RTF2: variants seen among roughly 807,000 people sequenced by gnomAD.
RTF2 encodes UPF0549 protein C20orf43.
Under a neutral mutation model 38.0 loss-of-function variants are expected in RTF2, and 18 were observed. The ratio of observed to expected loss-of-function variants is 0.47; its 90% confidence interval spans 0.33 to 0.70. RTF2 has a LOEUF of 0.70. Among genes scored for constraint, RTF2 ranks in the 30% least tolerant of loss-of-function variants. The pLI is 0.02. For synonymous variants in RTF2, 126 were observed against 137.1 expected (o/e 0.92, Z 0.57); for missense variants, 311 against 379.6 (o/e 0.82, Z 1.50).
At chr20:56,480,789 T>C (rs1297140842) in intron 4 of RTF2, among the ~76,000 whole-genome samples, 2 of 152,210 alleles carry the variant, frequency 1.3e-5, no homozygotes, top group Non-Finnish European at 2.9e-5. Context: ...GGCCAGTTCA[T>C]GGAGCAGTCA....
chr20:56,477,208 G>A, intron 4 of RTF2, 84 bp downstream of exon 4: 1 of 1,519,658 alleles, frequency 6.6e-7, no homozygotes, highest in Non-Finnish European at 9.0e-7. Flanking sequence ...GAGCTTAGCA[G>A]TCATGTGGCT....
At chr20:56,499,382 C>G (rs1183402867) in intron 5 of RTF2, among the ~76,000 whole-genome samples, 28 of 151,908 alleles carry the variant, frequency 1.8e-4, no homozygotes, top group Admixed American at 1.8e-3. Context: ...AGGGTTTCAC[C>G]ATAATGGCCA....
At position 56,496,855 on chromosome 20, in the gene RTF2, C is replaced by T. The variant is rs769688034; in HGVS notation, c.477+12666C>T. 1.4e-5 allele frequency: 21 copies of T among 1,551,540 alleles called. No homozygotes were observed. In the African/African-American group the frequency reaches 1.4e-4, roughly 10 times the overall value. On this transcript the variant is annotated intron_variant, in intron 5 of 8. Coordinates refer to ENST00000357348, the MANE Select transcript of RTF2 (RefSeq NM_016407.5). ...GGTGCATAGATACTTCCTTTAGGAA[C>T]GAATTCGAGATGACTTTGACTTGTC...
At chr20:56,497,799 T>C (rs1983653347) in intron 5 of RTF2, 3 of 331,488 alleles carry the variant, frequency 9.1e-6, no homozygotes, top group Non-Finnish European at 1.7e-5. Flanking sequence ...TCCCTCACTC[T>C]TCAAAGTGTT....
intron 4 of RTF2, 75 bp downstream of exon 4, chr20:56,477,199 A>G: frequency 6.4e-7 from 1 of 1,553,372 alleles, no homozygotes; most frequent in Non-Finnish European, 8.8e-7. Flanking sequence ...GTGGTGCCGG[A>G]GCTTAGCAGT....
chr20:56,474,886 TG>T (rs1468408500), intron 3 of RTF2, 115 bp downstream of exon 3: 7 of 622,182 alleles, frequency 1.1e-5, no homozygotes, highest in African/African-American at 1.1e-4. Context: ...CATTCCCACA[TG>T]GCCATCTAAT....
chr20:56,474,579 A>G, intron 2 of RTF2, 99 bp from the exon 3 acceptor site: 5 of 682,916 alleles, frequency 7.3e-6, no homozygotes, highest in Non-Finnish European at 7.3e-6. Flanking sequence ...TTCTCTTATC[A>G]AATGTAAACG....
intron 5 of RTF2, among the ~76,000 whole-genome samples, chr20:56,486,861 C>G (rs546012842): frequency 2.0e-5 from 3 of 152,118 alleles, no homozygotes; most frequent in South Asian, 2.1e-4. Flanking sequence ...CAGAAGCAGC[C>G]GGGCAGCCAT....
intron 4 of RTF2, among the ~76,000 whole-genome samples, chr20:56,479,890 CAGAT>C (rs1982442328): frequency 6.8e-6 from 1 of 147,570 alleles, no homozygotes; most frequent in African/African-American, 2.5e-5. Context: ...ATGTTATAGA[CAGAT>C]GTGCTCTCAT....
intron 1 of RTF2, among the ~76,000 whole-genome samples, chr20:56,471,985 G>C (rs546430209): frequency 6.6e-6 from 1 of 151,770 alleles, no homozygotes; most frequent in Non-Finnish European, 1.5e-5. Context: ...AGCCCTTTGG[G>C]AGATCGAGGC....
In RTF2 at chr20:56,468,782, C is replaced by A. The variant is rs1208299319; in HGVS notation, c.69+16C>A. The A allele has an allele frequency of 6.4e-7, 1 of 1,560,884 alleles. No individual in the cohort carries two copies. Among genetic ancestry groups the A allele is most frequent in the South Asian group, 1.2e-5 (1 of 84,952 alleles). ...GGTTGAGAAGGTCAGTGATGTGGGC[C>A]GGCTCTTGGCGACCGGGGGTGGTGG... On this transcript the variant is annotated intron_variant, in intron 1 of 8. Coordinates refer to ENST00000357348, the MANE Select transcript of RTF2 (RefSeq NM_016407.5).
chr20:56,496,840 T>TA, intron 5 of RTF2: 2 of 1,551,888 alleles, frequency 1.3e-6, no homozygotes, highest in Non-Finnish European at 1.7e-6. Flanking sequence ...GGTGCATAGA[T>TA]ACTTCCTTTA....
chr20:56,513,574 A>AT lies in RTF2; in HGVS notation c.591+148dup, dbSNP rs1984833980. Reference sequence around the variant, plus strand: ...AGAAGGGCCTGGACTGTAGAAGCAGATTCCAGCTGAGGCCCAGGCACTGCC... The same window carrying AT: ...AGAAGGGCCTGGACTGTAGAAGCAGATTTCCAGCTGAGGCCCAGGCACTGCC... On this transcript the variant is annotated intron_variant, in intron 6 of 8. Transcript: ENST00000357348. 2.9e-6 allele frequency: 3 copies of AT among 1,019,454 alleles called. No individual in the cohort carries two copies. In the South Asian group the frequency reaches 4.8e-5, roughly 16 times the overall value. The allele number at this position is 1,019,454 out of a possible 1,614,324, so 63.2% of individuals were successfully genotyped here.
chr20:56,492,057 C>T (rs186833673), intron 5 of RTF2, among the ~76,000 whole-genome samples: 8 of 152,208 alleles, frequency 5.3e-5, no homozygotes, highest in African/African-American at 1.4e-4. Context: ...ACTCACCACG[C>T]GCACACGAGA....
chr20:56,500,386 G>A (rs1332543845), intron 5 of RTF2, among the ~76,000 whole-genome samples: 2 of 152,210 alleles, frequency 1.3e-5, no homozygotes, highest in African/African-American at 4.8e-5. Flanking sequence ...TTGTGAAAGC[G>A]TTCTGTTCCT....
intron 1 of RTF2, among the ~76,000 whole-genome samples, chr20:56,472,651 A>G (rs1483146502): frequency 6.6e-6 from 1 of 152,194 alleles, no homozygotes; most frequent in East Asian, 1.9e-4. Flanking sequence ...TCCCATTGTT[A>G]GAAATTAATC....
In RTF2 at chr20:56,487,691, C is replaced by T. The variant is rs6127766; in HGVS notation, c.477+3502C>T. ...GGCTGCTGTAATTAAGTACCCAAGC[C>T]GGATGACTTACCGGAAAGTCATTGT... On this transcript the variant is annotated intron_variant, in intron 5 of 8. Coordinates refer to ENST00000357348, the MANE Select transcript of RTF2 (RefSeq NM_016407.5). Among the ~76,000 whole-genome samples, 4,228 of 152,280 alleles carry T rather than the reference C, an allele frequency of 0.028. 347 individuals are homozygous for T. The East Asian group carries it at 0.29, about 11-fold the overall frequency.
chr20:56,501,502 T>C (rs2146354465), intron 5 of RTF2, among the ~76,000 whole-genome samples: 1 of 152,340 alleles, frequency 6.6e-6, no homozygotes, highest in South Asian at 2.1e-4. Flanking sequence ...ATACTTCTTG[T>C]AAAGGCTGTA....
intron 1 of RTF2, chr20:56,470,883 T>G (rs1415028958): frequency 3.6e-6 from 1 of 279,076 alleles, no homozygotes. Flanking sequence ...TCCAGATTAC[T>G]TCTTTATCTG....
Sources: allele counts gnomAD v4.1 joint callset (sites outside exome capture counted in the v4.1 genomes callset), GRCh38; gene constraint gnomAD v4.1.1; transcripts MANE v1.5; gene names NCBI Gene and HGNC (gene_info 2026-07-23, HGNC 2026-07-21).